Variants in DUSP16 observed in about 807,000 individuals in gnomAD.
DUSP16 encodes the protein dual specificity protein phosphatase 16.
A neutral mutation model predicts 58.3 loss-of-function variants in DUSP16; 21 were observed. The observed-to-expected ratio is 0.36, with a 90% CI of 0.26 to 0.52. The LOEUF (loss-of-function observed/expected upper bound fraction) is 0.52. Among genes scored for constraint, DUSP16 ranks in the 20% least tolerant of loss-of-function variants. DUSP16 has a pLI of 0.94. For synonymous variants in DUSP16, 320 were observed against 323.8 expected (o/e 0.99, Z 0.12); for missense variants, 726 against 819.0 (o/e 0.89, Z 1.39).
intron 1 of DUSP16, among the ~76,000 whole-genome samples, chr12:12,556,429 G>C (rs565241106): frequency 1.3e-5 from 2 of 151,882 alleles, no homozygotes; most frequent in Non-Finnish European, 1.5e-5. Flanking sequence ...ATAATTAGCC[G>C]GGTGTGGTGG....
intron 1 of DUSP16, among the ~76,000 whole-genome samples, chr12:12,543,208 T>C (rs1473778500): frequency 2.6e-5 from 4 of 152,218 alleles, no homozygotes; most frequent in African/African-American, 9.6e-5. Context: ...GTGGGCTAGT[T>C]AGAAGTATTA....
intron 4 of DUSP16, among the ~76,000 whole-genome samples, chr12:12,492,988 C>T (rs938630807): frequency 1.3e-5 from 2 of 152,132 alleles, no homozygotes; most frequent in African/African-American, 2.4e-5. Context: ...GGTGGGAGTG[C>T]TCACGGCTCA....
At chr12:12,505,370 C>T (rs1276060521) in intron 3 of DUSP16, among the ~76,000 whole-genome samples, 3 of 152,192 alleles carry the variant, frequency 2.0e-5, no homozygotes, top group Admixed American at 6.5e-5. Flanking sequence ...AAAGCTATAT[C>T]GCTCAAAGGC....
intron 1 of DUSP16, among the ~76,000 whole-genome samples, chr12:12,530,513 T>A (rs555147621): frequency 6.6e-6 from 1 of 152,346 alleles, no homozygotes; most frequent in South Asian, 2.1e-4. Flanking sequence ...TAGCTTGACA[T>A]AATCCCATTT....
At chr12:12,507,210 T>C (rs1464684101) in intron 3 of DUSP16, among the ~76,000 whole-genome samples, 1 of 152,254 alleles carries the variant, frequency 6.6e-6, no homozygotes, top group Non-Finnish European at 1.5e-5. Context: ...AGTAGCACTT[T>C]ACTGTGGCTT....
intron 1 of DUSP16, among the ~76,000 whole-genome samples, chr12:12,556,075 T>C (rs1229284060): frequency 2.0e-5 from 3 of 152,252 alleles, no homozygotes; most frequent in Non-Finnish European, 4.4e-5. Flanking sequence ...AAGCATTTAG[T>C]TTAGGAGGAA....
At chr12:12,540,671 G>A (rs1389754189) in intron 1 of DUSP16, among the ~76,000 whole-genome samples, 1 of 152,290 alleles carries the variant, frequency 6.6e-6, no homozygotes, top group South Asian at 2.1e-4. Context: ...GAGGAGGTGA[G>A]GAGGTGGTCA....
chr12:12,481,021 C>T (rs1334796780), intron 5 of DUSP16, among the ~76,000 whole-genome samples: 1 of 152,130 alleles, frequency 6.6e-6, no homozygotes, highest in Non-Finnish European at 1.5e-5. Flanking sequence ...CCCTGGCCTC[C>T]CTATTTTAAG....
chr12:12,476,148 T>A lies in DUSP16; in HGVS notation c.*685A>T, dbSNP rs1943429060. The stretch of plus-strand genomic sequence containing the variant: ...ACAGTTTGAATTGGTCTGAAAAGTG[T>A]GACTAGCTACCTACCTATTCACAAT... On this transcript the variant is annotated 3_prime_UTR_variant, in exon 7 of 7. Coordinates refer to ENST00000298573, the MANE Select transcript of DUSP16 (RefSeq NM_030640.3). 1 of 152,658 alleles carries A rather than the reference T, an allele frequency of 6.6e-6. No homozygotes were observed. The highest frequency in any genetic ancestry group is 2.1e-4 in the South Asian group (1 of 4,834). 9.5% of individuals were successfully genotyped at this position (152,658 alleles called of 1,614,324 possible).
chr12:12,558,760 G>T (rs545522880), intron 1 of DUSP16, among the ~76,000 whole-genome samples: 62 of 148,274 alleles, frequency 4.2e-4, no homozygotes, highest in Middle Eastern at 3.4e-3. Flanking sequence ...GTCAAGAAGG[G>T]CGTGAAGTTT....
Position 12,478,119 on chromosome 12 carries a change from A to G in DUSP16, c.816-104T>C, listed in dbSNP as rs113526382. On this transcript the variant is annotated intron_variant, in intron 6 of 6. Coordinates refer to ENST00000298573, the MANE Select transcript of DUSP16 (RefSeq NM_030640.3). ...TAGGGAATTATCAGGCAGACCTCAA[A>G]AACTTTGGAAGATGATTGGTTTACA... The G allele has an allele frequency of 1.7e-3, 1,815 of 1,067,830 alleles. 21 individuals carry two copies. In the African/African-American group the frequency reaches 0.025, roughly 14 times the overall value. The allele number at this position is 1,067,830 out of a possible 1,614,324, so 66.1% of individuals were successfully genotyped here.
chr12:12,510,940 A>G (rs1476085250), intron 3 of DUSP16, among the ~76,000 whole-genome samples: 10 of 152,176 alleles, frequency 6.6e-5, no homozygotes, highest in Non-Finnish European at 1.5e-4. Flanking sequence ...CAAAACAACA[A>G]CTGAGGACTT....
intron 1 of DUSP16, among the ~76,000 whole-genome samples, chr12:12,543,423 A>T (rs1944594913): frequency 1.3e-5 from 2 of 151,286 alleles, no homozygotes; most frequent in Non-Finnish European, 3.0e-5. Context: ...CTGTTCTTTT[A>T]TTTTTTTCTG....
rs1260228685 is a variant in DUSP16, at chr12:12,477,397, G to C, written c.1434C>G (p.Asp478Glu). The C allele has an allele frequency of 6.8e-6, 11 of 1,612,636 alleles. No homozygotes were observed. Among genetic ancestry groups the C allele is most frequent in the Non-Finnish European group, 7.6e-6 (9 of 1,179,158 alleles). Reference protein sequence around the residue: ...PKKLQTARPSDSQSKRLHSVR... With the variant: ...PKKLQTARPSESQSKRLHSVR... ...CCGAATGCAATCGCTTGCTCTGGCT[G>C]TCTGAAGGCCTGGCGGTCTGCAGCT... Residue 478 changes from aspartate (D) to glutamate (E), a missense_variant, in exon 7 of 7, where the codon GAC becomes GAG. By Grantham distance (45) the Asp-to-Glu change is conservative (BLOSUM62 2). Transcript: ENST00000298573. The surrounding 1 kb of genome is among the most constrained non-coding windows in gnomAD (Gnocchi z 4.1).
At position 12,474,457 on chromosome 12, in the gene DUSP16, T is replaced by C. The variant is rs1943377498; in HGVS notation, c.*2376A>G. 6.6e-6 allele frequency: 1 copy of C among 152,294 alleles called. No individual in the cohort carries two copies. The highest frequency in any genetic ancestry group is 2.4e-5 in the African/African-American group (1 of 41,452). 9.4% of individuals were successfully genotyped at this position (152,294 alleles called of 1,614,324 possible). On this transcript the variant is annotated 3_prime_UTR_variant, in exon 7 of 7. Transcript: ENST00000298573. ...AGTTTTGCTCTTTAAAATCACCATC[T>C]GTATCACCCCTAGTAGACGCGAGGG... is the stretch of plus-strand genomic sequence containing the variant.
chr12:12,477,872 T>C lies in DUSP16; in HGVS notation c.959A>G (p.Asn320Ser). ...CTCTGAGACAGCAGGGACAGGTTCATTTGGCTTCTCCAGGTGCAGCAGCTT... is the reference window on the plus strand; with the variant it reads ...CTCTGAGACAGCAGGGACAGGTTCACTTGGCTTCTCCAGGTGCAGCAGCTT... Reference protein sequence around the residue: ...KLKLLHLEKPNEPVPAVSEGG... With the variant: ...KLKLLHLEKPSEPVPAVSEGG... The change falls in exon 7 of 7, where the codon AAT becomes AGT. Residue 320 changes from asparagine to serine, a missense_variant. Coordinates refer to ENST00000298573, the MANE Select transcript of DUSP16 (RefSeq NM_030640.3). The surrounding 1 kb of genome is among the most constrained non-coding windows in gnomAD (Gnocchi z 4.1). 6.2e-7 allele frequency: 1 copy of C among 1,614,176 alleles called. No homozygotes were observed. The highest frequency in any genetic ancestry group is 8.5e-7 in the Non-Finnish European group (1 of 1,180,046).
chr12:12,541,487 G>C (rs779451757), intron 1 of DUSP16, among the ~76,000 whole-genome samples: 15 of 152,184 alleles, frequency 9.9e-5, no homozygotes, highest in Non-Finnish European at 1.8e-4. Flanking sequence ...ATTAAAATTA[G>C]TCTATCTTAT....
Position 12,562,589 on chromosome 12 carries a change from A to C in DUSP16, c.-838T>G, listed in dbSNP as rs796489237. ...GGGGGTGGGGTGGGGGGTTGGGGGA[A>C]AGAGAAAGAGTCGCTGGTCAGGAAA... is the stretch of plus-strand genomic sequence containing the variant. On this transcript the variant is annotated 5_prime_UTR_variant, in exon 1 of 7. Transcript: ENST00000298573. 6.6e-5 allele frequency among the ~76,000 whole-genome samples: 10 copies of C among 151,666 alleles called. No homozygotes were observed. In the South Asian group the frequency reaches 1.7e-3, roughly 25 times the overall value.
chr12:12,539,473 T>C (rs1944518604), intron 1 of DUSP16, among the ~76,000 whole-genome samples: 2 of 152,118 alleles, frequency 1.3e-5, no homozygotes. Context: ...GGTGTAGATG[T>C]GTCAAGGAAA....
Sources: allele counts gnomAD v4.1 joint callset (sites outside exome capture counted in the v4.1 genomes callset), GRCh38; gene constraint gnomAD v4.1.1; non-coding constraint Gnocchi (gnomAD v3.1); transcripts MANE v1.5; gene names NCBI Gene and HGNC (gene_info 2026-07-23, HGNC 2026-07-21).